The following CNOT6 variants were observed in gnomAD, a reference collection of about 807,000 sequenced individuals.
CNOT6 encodes the protein CCR4-NOT transcription complex subunit 6, also known as carbon catabolite repression 4 protein.
A neutral mutation model predicts 61.2 loss-of-function variants in CNOT6; 12 were observed. That is an observed-to-expected ratio of 0.20 (90% CI 0.13 to 0.32). CNOT6 has a LOEUF of 0.32. CNOT6 is among the 10% of genes least tolerant of loss of function. The pLI is 1.00. For synonymous variants in CNOT6, 225 were observed against 240.6 expected (o/e 0.94, Z 0.60); for missense variants, 405 against 663.9 (o/e 0.61, Z 4.28).
At chr5:180,573,552 A>AGTGTGTGTGTGTGTGT (rs755954581) in intron 11 of CNOT6, among the ~76,000 whole-genome samples, 3 of 119,164 alleles carry the variant, frequency 2.5e-5, no homozygotes, top group African/African-American at 9.7e-5. Context: ...GGAGGGGGGC[A>AGTGTGTGTGTGTGTGT]GTGTGTGTGT....
At chr5:180,533,312 CTATATATATATATATATA>C (rs56266069) in intron 2 of CNOT6, among the ~76,000 whole-genome samples, 3,782 of 127,604 alleles carry the variant, frequency 0.03, 138 homozygotes, top group African/African-American at 0.035. Flanking sequence ...GGATGAAAAC[CTATATATATATATATATA>C]TATATATATA....
intron 2 of CNOT6, among the ~76,000 whole-genome samples, chr5:180,540,650 G>A (rs935670845): frequency 3.9e-5 from 6 of 152,172 alleles, no homozygotes. Flanking sequence ...GAGTTATGAT[G>A]TTTGGTAGGT....
In CNOT6 at chr5:180,577,654, T is replaced by G. The variant is rs777609018; in HGVS notation, c.*3454T>G. On this transcript the variant is annotated 3_prime_UTR_variant, in exon 12 of 12. Coordinates refer to ENST00000261951, the MANE Select transcript of CNOT6 (RefSeq NM_001370472.1). ...AAGTAGTGTCTAAAAGTATCTAGTC[T>G]TTATTCACAGTACATTATATTGTGT... 3.3e-5 allele frequency: 5 copies of G among 152,676 alleles called. No homozygotes were observed. Among genetic ancestry groups the G allele is most frequent in the Non-Finnish European group, 5.9e-5 (4 of 68,038 alleles). The allele number at this position is 152,676 out of a possible 1,614,324, so 9.5% of individuals were successfully genotyped here. A position where few individuals can be genotyped will look rare whatever the true frequency, so the allele number is the denominator to read the frequency against.
intron 1 of CNOT6, among the ~76,000 whole-genome samples, chr5:180,521,973 T>A (rs1368981855): frequency 6.6e-6 from 1 of 152,258 alleles, no homozygotes; most frequent in Non-Finnish European, 1.5e-5. Context: ...ATGTTTTTGC[T>A]ATTGTGAATA....
At position 180,553,394 on chromosome 5, in the gene CNOT6, A is replaced by G; in HGVS notation, c.308A>G (p.His103Arg). Reference protein sequence around the residue: ...LGNMVSLRELHLNNNLLRVLP... With the variant: ...LGNMVSLRELRLNNNLLRVLP... ...AATTTTTACATCAACAGGGAGCTCC[A>G]TTTAAATAACAACCTGTTACGAGTT... The change falls in exon 4 of 12, where the codon CAT becomes CGT. Residue 103 changes from histidine to arginine, a missense_variant. His to Arg is a conservative substitution (Grantham distance 29). Transcript: ENST00000261951. The G allele has an allele frequency of 1.2e-6, 2 of 1,613,216 alleles. No individual in the cohort carries two copies. Among genetic ancestry groups the G allele is most frequent in the African/African-American group, 1.3e-5 (1 of 75,032 alleles).
chr5:180,519,496 G>A lies in CNOT6; in HGVS notation c.-2-9779G>A, dbSNP rs148631057. On this transcript the variant is annotated intron_variant, in intron 1 of 11. Coordinates refer to ENST00000261951, the MANE Select transcript of CNOT6 (RefSeq NM_001370472.1). ...CATCTGGAAAAAGTCCTTTCATCTGGCCAAGTGTTAGAATATAGAATATTT... is the reference window on the plus strand; with the variant it reads ...CATCTGGAAAAAGTCCTTTCATCTGACCAAGTGTTAGAATATAGAATATTT... Among the ~76,000 whole-genome samples, 11 of 152,242 alleles carry A rather than the reference G, an allele frequency of 7.2e-5. No individual in the cohort carries two copies. The East Asian group carries it at 2.1e-3, about 29-fold the overall frequency.
intron 4 of CNOT6, among the ~76,000 whole-genome samples, chr5:180,563,380 GT>G (rs1165566622): frequency 7.3e-5 from 6 of 82,254 alleles, no homozygotes; most frequent in African/African-American, 1.6e-4. Flanking sequence ...ACGCCTGGCT[GT>G]TTTTTTTTGT....
chr5:180,514,668 A>G (rs909346379), intron 1 of CNOT6, among the ~76,000 whole-genome samples: 3 of 152,310 alleles, frequency 2.0e-5, no homozygotes, highest in Non-Finnish European at 1.5e-5. Context: ...TTTGCTTTCC[A>G]GTTGCTTAAG....
chr5:180,495,047 C>T (rs1339967654), intron 1 of CNOT6, among the ~76,000 whole-genome samples: 1 of 152,112 alleles, frequency 6.6e-6, no homozygotes, highest in Non-Finnish European at 1.5e-5. Context: ...CTCCCGGATC[C>T]CGGCCGGTCC....
In CNOT6 at chr5:180,505,324, C is replaced by T. The variant is rs570526465; in HGVS notation, c.-3+10561C>T. ...AGTCTGGACTGCAGTGGCGCGATCT[C>T]GGCTCACTGCAAGCTCCACCTCCCA... On this transcript the variant is annotated intron_variant, in intron 1 of 11. Coordinates refer to ENST00000261951, the MANE Select transcript of CNOT6 (RefSeq NM_001370472.1). Among the ~76,000 whole-genome samples the T allele has an allele frequency of 1.2e-4, 12 of 101,416 alleles. No homozygotes were observed. The East Asian group carries it at 2.9e-3, about 25-fold the overall frequency. 66.5% of individuals were successfully genotyped at this position (101,416 alleles called of 152,430 possible).
In CNOT6 at chr5:180,531,353, C is replaced by T. The variant is rs1303682202; in HGVS notation, c.112+1965C>T. ...ACTCCTCAGTTCCCAGACGGGGTCACGGCCGGGCAGAGGCGCTCCTCACAT... is the reference window on the plus strand; with the variant it reads ...ACTCCTCAGTTCCCAGACGGGGTCATGGCCGGGCAGAGGCGCTCCTCACAT... On this transcript the variant is annotated intron_variant, in intron 2 of 11. Coordinates refer to ENST00000261951, the MANE Select transcript of CNOT6 (RefSeq NM_001370472.1). Among the ~76,000 whole-genome samples the T allele has an allele frequency of 4.0e-5, 6 of 151,874 alleles. No homozygotes were observed. In the East Asian group the frequency reaches 7.8e-4, roughly 20 times the overall value.
At chr5:180,531,372 C>T (rs1758364295) in intron 2 of CNOT6, among the ~76,000 whole-genome samples, 1 of 151,544 alleles carries the variant, frequency 6.6e-6, no homozygotes, top group Admixed American at 6.6e-5. Flanking sequence ...AGAGGCGCTC[C>T]TCACATCCCA....
chr5:180,566,014 AAAGG>A (rs749578974), intron 7 of CNOT6, 37 bp downstream of exon 7: 13 of 1,568,070 alleles, frequency 8.3e-6, no homozygotes, highest in Non-Finnish European at 1.1e-5. Context: ...TAGCATTGAT[AAAGG>A]AAGGAGCAAC....
chr5:180,552,083 A>C (rs191087482), intron 3 of CNOT6, among the ~76,000 whole-genome samples: 2 of 151,514 alleles, frequency 1.3e-5, no homozygotes, highest in African/African-American at 2.4e-5. Context: ...TGGCCAGGCT[A>C]GTCTCAAACT....
chr5:180,526,179 C>G (rs925565392), intron 1 of CNOT6, among the ~76,000 whole-genome samples: 9 of 152,062 alleles, frequency 5.9e-5, no homozygotes, highest in African/African-American at 1.7e-4. Flanking sequence ...GAGGAGAAGG[C>G]AGAGAACATA....
At position 180,577,544 on chromosome 5, in the gene CNOT6, G is replaced by C. The variant is rs149974800; in HGVS notation, c.*3344G>C. The C allele has an allele frequency of 6.6e-6, 1 of 152,586 alleles. No individual in the cohort carries two copies. Among genetic ancestry groups the C allele is most frequent in the Non-Finnish European group, 1.5e-5 (1 of 68,032 alleles). 9.5% of individuals were successfully genotyped at this position (152,586 alleles called of 1,614,324 possible). On this transcript the variant is annotated 3_prime_UTR_variant, in exon 12 of 12. Coordinates refer to ENST00000261951, the MANE Select transcript of CNOT6 (RefSeq NM_001370472.1). ...AATTCCAAGAACTCCTTCAGCAGGT[G>C]TTCTTCACCATTCGTAAACAGTATT... is the stretch of plus-strand genomic sequence containing the variant.
intron 1 of CNOT6, among the ~76,000 whole-genome samples, chr5:180,513,040 T>C (rs1375499049): frequency 6.6e-6 from 1 of 150,882 alleles, no homozygotes; most frequent in African/African-American, 2.4e-5. Flanking sequence ...GGACTACAGG[T>C]GCCCGCCACC....
intron 1 of CNOT6, among the ~76,000 whole-genome samples, chr5:180,502,962 T>A (rs1217934649): frequency 6.6e-6 from 1 of 152,228 alleles, no homozygotes; most frequent in Non-Finnish European, 1.5e-5. Flanking sequence ...AATCTAAAAT[T>A]ATGACAATGA....
At chr5:180,522,780 G>A (rs544593807) in intron 1 of CNOT6, among the ~76,000 whole-genome samples, 1 of 152,210 alleles carries the variant, frequency 6.6e-6, no homozygotes, top group South Asian at 2.1e-4. Context: ...CCCAAAGTAG[G>A]CTGAGGTGGG....
Sources: allele counts gnomAD v4.1 joint callset (sites outside exome capture counted in the v4.1 genomes callset), GRCh38; gene constraint gnomAD v4.1.1; transcripts MANE v1.5; gene names NCBI Gene and HGNC (gene_info 2026-07-23, HGNC 2026-07-21).